IL1R1: variants seen among roughly 807,000 people sequenced by gnomAD.
The protein encoded by IL1R1 is interleukin-1 receptor type 1.
In IL1R1, 22 loss-of-function variants were observed where a neutral mutation model predicts 50.2. The observed-to-expected ratio is 0.44, with a 90% confidence interval of 0.31 to 0.63. IL1R1 has a LOEUF of 0.63. Ranked by LOEUF, IL1R1 falls within the 20% of genes least tolerant of loss-of-function variation. IL1R1 has a pLI of 0.07. For synonymous variants in IL1R1, 251 were observed against 236.7 expected, an observed-to-expected ratio of 1.06 and a Z score of -0.55; for missense variants, 509 against 676.2, an observed-to-expected ratio of 0.75 and a Z score of 2.74.
intron 10 of IL1R1, 74 bp downstream of exon 10, chr2:102,174,804 G>A: frequency 7.8e-7 from 1 of 1,287,868 alleles, no homozygotes; most frequent in East Asian, 2.5e-5. Context: ...AGATGACTAA[G>A]AGGGTTTTTA....
chr2:102,097,003 T>G (rs151138466), intron 1 of IL1R1, among the ~76,000 whole-genome samples: 261 of 152,278 alleles, frequency 1.7e-3, no homozygotes, highest in African/African-American at 5.7e-3. Context: ...ATGTACTAAC[T>G]TTCCATAAGT....
At chr2:102,076,015 CT>C (rs1678941107) in intron 1 of IL1R1, among the ~76,000 whole-genome samples, 1 of 152,156 alleles carries the variant, frequency 6.6e-6, no homozygotes, top group Non-Finnish European at 1.5e-5. Flanking sequence ...TCATTTCTCC[CT>C]TCCTGGTCTT....
intron 1 of IL1R1, among the ~76,000 whole-genome samples, chr2:102,129,487 G>A (rs189206439): frequency 5.3e-5 from 8 of 152,274 alleles, no homozygotes; most frequent in East Asian, 1.9e-4. Flanking sequence ...AGAAAGCTGC[G>A]GTGCAGTAAA....
At chr2:102,120,082 G>A (rs952220155) in intron 1 of IL1R1, among the ~76,000 whole-genome samples, 2 of 152,030 alleles carry the variant, frequency 1.3e-5, no homozygotes, top group Admixed American at 6.5e-5. Flanking sequence ...TACTGCCTCG[G>A]TATAATTAAT....
intron 1 of IL1R1, among the ~76,000 whole-genome samples, chr2:102,127,263 G>A (rs1388021753): frequency 6.6e-6 from 1 of 152,216 alleles, no homozygotes; most frequent in Admixed American, 6.5e-5. Context: ...TTCATGGACA[G>A]TGCATGGTGA....
Position 102,176,508 on chromosome 2 carries a change from C to T in IL1R1, c.1459C>T (p.Leu487=). The change falls in exon 12 of 12, where the codon CTG becomes TTG. Residue 487 remains leucine, a synonymous_variant. Coordinates refer to ENST00000410023, the MANE Select transcript of IL1R1 (RefSeq NM_000877.4). ...TGTTCAGGATGGAATTAAAGTTGTC[C>T]TGCTTGAGCTGGAGAAAATCCAAGA... ...ALVQDGIKVV[L]LELEKIQDYE... is the part of the protein sequence containing the mutation. 4 of 1,614,168 alleles carry T rather than the reference C, an allele frequency of 2.5e-6. No homozygotes were observed. Among genetic ancestry groups the T allele is most frequent in the Non-Finnish European group, 3.4e-6 (4 of 1,180,026 alleles).
chr2:102,120,921 G>T (rs1451211343), intron 1 of IL1R1, among the ~76,000 whole-genome samples: 2 of 152,242 alleles, frequency 1.3e-5, no homozygotes, highest in Non-Finnish European at 2.9e-5. Flanking sequence ...TCCACATCCG[G>T]GTTTTTAGCA....
At chr2:102,150,121 A>G (rs948746912) in intron 1 of IL1R1, among the ~76,000 whole-genome samples, 1 of 152,170 alleles carries the variant, frequency 6.6e-6, no homozygotes, top group Non-Finnish European at 1.5e-5. Flanking sequence ...AACATTGTGG[A>G]GGAACGTTGT....
intron 1 of IL1R1, among the ~76,000 whole-genome samples, chr2:102,130,584 C>A (rs1168235352): frequency 2.7e-5 from 4 of 149,804 alleles, no homozygotes; most frequent in Admixed American, 1.3e-4. Flanking sequence ...GCCAGGCTGT[C>A]CTTTATCTGA....
intron 1 of IL1R1, among the ~76,000 whole-genome samples, chr2:102,133,815 A>C (rs1235800457): frequency 6.6e-6 from 1 of 152,178 alleles, no homozygotes; most frequent in Admixed American, 6.5e-5. Context: ...ACTTAATGAA[A>C]GCTATCCTCC....
chr2:102,143,730 G>C (rs923157883), intron 1 of IL1R1, among the ~76,000 whole-genome samples: 1 of 152,178 alleles, frequency 6.6e-6, no homozygotes, highest in Non-Finnish European at 1.5e-5. Flanking sequence ...TGCCTGCCAG[G>C]GCTTTCTCCT....
intron 3 of IL1R1, among the ~76,000 whole-genome samples, 161 bp from the exon 4 acceptor site, chr2:102,164,613 C>T (rs1685012923): frequency 6.6e-6 from 1 of 152,154 alleles, no homozygotes; most frequent in Non-Finnish European, 1.5e-5. Context: ...GAATATGCTT[C>T]TCAGACTCCC....
intron 1 of IL1R1, among the ~76,000 whole-genome samples, chr2:102,077,450 C>T (rs1286914843): frequency 6.6e-6 from 1 of 152,190 alleles, no homozygotes; most frequent in Non-Finnish European, 1.5e-5. Context: ...TAAGATACAG[C>T]TGATTTTATC....
At position 102,177,574 on chromosome 2, in the gene IL1R1, G is replaced by T. The variant is rs559299565; in HGVS notation, c.*815G>T. 4.6e-5 allele frequency: 7 copies of T among 152,466 alleles called. No individual in the cohort carries two copies. In the South Asian group the frequency reaches 1.5e-3, roughly 32 times the overall value. 9.4% of individuals were successfully genotyped at this position (152,466 alleles called of 1,614,324 possible). A position where few individuals can be genotyped will look rare whatever the true frequency, so the allele number is the denominator to read the frequency against. ...CATACACATCCCCAGCCAGAAGTTA[G>T]TGTCCGAAGACCGAATTTTATTTTA... On this transcript the variant is annotated 3_prime_UTR_variant, in exon 12 of 12. Coordinates refer to ENST00000410023, the MANE Select transcript of IL1R1 (RefSeq NM_000877.4).
chr2:102,162,440 A>G (rs1372437537), intron 3 of IL1R1, among the ~76,000 whole-genome samples: 2 of 151,814 alleles, frequency 1.3e-5, no homozygotes, highest in Non-Finnish European at 2.9e-5. Flanking sequence ...GGATCTTGCT[A>G]TTTGTTTTTC....
At chr2:102,108,241 TGG>T (rs796453974) in intron 1 of IL1R1, among the ~76,000 whole-genome samples, 1,503 of 34,126 alleles carry the variant, frequency 0.044, 28 homozygotes, top group African/African-American at 0.12. Flanking sequence ...TGTGTGTGTG[TGG>T]GGGGGGGTGT....
At chr2:102,131,128 G>T (rs1002507760) in intron 1 of IL1R1, among the ~76,000 whole-genome samples, 2 of 152,170 alleles carry the variant, frequency 1.3e-5, no homozygotes, top group Admixed American at 1.3e-4. Flanking sequence ...GGAAAGTCTC[G>T]TAATTCATAG....
chr2:102,132,924 A>G (rs935110519), intron 1 of IL1R1, among the ~76,000 whole-genome samples: 3 of 152,204 alleles, frequency 2.0e-5, no homozygotes, highest in Non-Finnish European at 4.4e-5. Context: ...CTAGCCCTCT[A>G]TCTACTAAAG....
At chr2:102,124,058 G>A (rs1681551397) in intron 1 of IL1R1, among the ~76,000 whole-genome samples, 1 of 152,158 alleles carries the variant, frequency 6.6e-6, no homozygotes, top group South Asian at 2.1e-4. Flanking sequence ...GGCAGGGAAA[G>A]GTTAGACAAG....
Sources: allele counts gnomAD v4.1 joint callset (sites outside exome capture counted in the v4.1 genomes callset), GRCh38; gene constraint gnomAD v4.1.1; transcripts MANE v1.5; gene names NCBI Gene and HGNC (gene_info 2026-07-23, HGNC 2026-07-21).